The following PDLIM5 variants were observed in gnomAD, a reference collection of about 807,000 sequenced individuals.
The protein encoded by PDLIM5 is PDZ and LIM domain protein 5.
Under a neutral mutation model 64.2 loss-of-function variants are expected in PDLIM5, and 34 were observed. The ratio of observed to expected loss-of-function variants is 0.53; its 90% CI spans 0.40 to 0.71. The LOEUF (loss-of-function observed/expected upper bound fraction) is 0.71. Among genes scored for constraint, PDLIM5 ranks in the 30% least tolerant of loss-of-function variants. The probability of loss-of-function intolerance (pLI) is 0.00; values close to 1 mark genes in which losing one functional copy is unlikely to be tolerated. For synonymous variants in PDLIM5, 253 were observed against 269.1 expected (o/e 0.94, Z 0.59); for missense variants, 683 against 733.6 (o/e 0.93, Z 0.80).
intron 3 of PDLIM5, among the ~76,000 whole-genome samples, chr4:94,543,473 T>A (rs1166262847): frequency 6.6e-6 from 1 of 152,158 alleles, no homozygotes; most frequent in Non-Finnish European, 1.5e-5. Flanking sequence ...CTCTCAGCAA[T>A]TATCAAGAAT....
chr4:94,474,549 C>T (rs1285589098), intron 2 of PDLIM5, among the ~76,000 whole-genome samples: 1 of 152,196 alleles, frequency 6.6e-6, no homozygotes, highest in Non-Finnish European at 1.5e-5. Flanking sequence ...CCATGCCTGG[C>T]CCATTTACAC....
Position 94,664,475 on chromosome 4 carries a change from A to G in PDLIM5, c.*408A>G. The stretch of plus-strand genomic sequence containing the variant: ...GAAAATGCCTTAAATTTTATCAATA[A>G]CAGAATTATTGTATTTAAAAAAAAA... On this transcript the variant is annotated 3_prime_UTR_variant, in exon 13 of 13. Transcript: ENST00000317968. The G allele has an allele frequency of 1.4e-6, 1 of 727,400 alleles. No homozygotes were observed. Among genetic ancestry groups the G allele is most frequent in the Non-Finnish European group, 1.7e-6 (1 of 596,842 alleles). 45.1% of individuals were successfully genotyped at this position (727,400 alleles called of 1,614,324 possible).
chr4:94,546,313 T>C (rs1732310158), intron 3 of PDLIM5, among the ~76,000 whole-genome samples: 1 of 152,086 alleles, frequency 6.6e-6, no homozygotes, highest in Non-Finnish European at 1.5e-5. Flanking sequence ...ACCGCCTACC[T>C]TACCCCACCC....
At chr4:94,638,409 C>T (rs1740742427) in intron 8 of PDLIM5, among the ~76,000 whole-genome samples, 1 of 152,162 alleles carries the variant, frequency 6.6e-6, no homozygotes, top group Admixed American at 6.5e-5. Context: ...CTGAAAGTGG[C>T]GTTTCACAGA....
rs1740902334 is a variant in PDLIM5 at position 94,640,392 on chromosome 4, G to A, written c.1225G>A (p.Glu409Lys). 6.2e-7 allele frequency: 1 copy of A among 1,612,430 alleles called. No individual in the cohort carries two copies. The highest frequency in any genetic ancestry group is 1.1e-5 in the South Asian group (1 of 90,928). The part of the protein sequence containing the change: ...SDQDTLVQRA[E>K]HIPAGKRTPM... ...CCAGGACACTTTAGTGCAAAGAGCT[G>A]AGCACATTCCAGCAGGGAAACGAAC... Residue 409 changes from glutamate to lysine, a missense_variant, in exon 9 of 13, where the codon GAG (glutamate) becomes AAG (lysine). Transcript: ENST00000317968.
chr4:94,552,710 A>C (rs950524940), intron 3 of PDLIM5, among the ~76,000 whole-genome samples: 2 of 152,178 alleles, frequency 1.3e-5, no homozygotes, highest in Non-Finnish European at 2.9e-5. Flanking sequence ...ATAAGAAAAA[A>C]ATATAAGTAG....
At chr4:94,466,527 A>G (rs1724379911) in intron 2 of PDLIM5, among the ~76,000 whole-genome samples, 2 of 152,174 alleles carry the variant, frequency 1.3e-5, no homozygotes, top group African/African-American at 2.4e-5. Context: ...TCCATTTTGT[A>G]TACTTATGTT....
chr4:94,646,953 T>C (rs781220940), intron 9 of PDLIM5, among the ~76,000 whole-genome samples: 1 of 152,190 alleles, frequency 6.6e-6, no homozygotes, highest in Admixed American at 6.5e-5. Flanking sequence ...GTTTCTCTAA[T>C]ATGTTTACTT....
intron 2 of PDLIM5, among the ~76,000 whole-genome samples, chr4:94,475,145 C>CT (rs755044470): frequency 0.019 from 2,829 of 145,722 alleles, 87 homozygotes; most frequent in African/African-American, 0.066. Flanking sequence ...CCTCCCCCGC[C>CT]TTTTTTTTTT....
chr4:94,564,332 G>T (rs1277769502), intron 3 of PDLIM5, among the ~76,000 whole-genome samples: 1 of 152,130 alleles, frequency 6.6e-6, no homozygotes, highest in Non-Finnish European at 1.5e-5. Context: ...TACTTTATGT[G>T]TTCTGCCCCC....
intron 9 of PDLIM5, 116 bp downstream of exon 9, chr4:94,640,566 T>G: frequency 1.6e-6 from 1 of 619,124 alleles, no homozygotes; most frequent in Non-Finnish European, 2.8e-6. Flanking sequence ...CTTGCCATAA[T>G]CCTATAGAGT....
At chr4:94,548,556 G>A (rs563606480) in intron 3 of PDLIM5, among the ~76,000 whole-genome samples, 2 of 152,190 alleles carry the variant, frequency 1.3e-5, no homozygotes, top group South Asian at 2.1e-4. Flanking sequence ...TTAGAAAGAG[G>A]TAAGGAATTG....
chr4:94,657,810 G>T (rs966968196), intron 11 of PDLIM5, among the ~76,000 whole-genome samples: 1 of 151,912 alleles, frequency 6.6e-6, no homozygotes, highest in Admixed American at 6.6e-5. Context: ...AGGTTCAGGC[G>T]ATTCTCCTGC....
chr4:94,662,827 A>G (rs1742843399), intron 12 of PDLIM5, among the ~76,000 whole-genome samples: 1 of 151,838 alleles, frequency 6.6e-6, no homozygotes, highest in Non-Finnish European at 1.5e-5. Context: ...TTTACTTAAA[A>G]AAAAAAAAAC....
chr4:94,517,166 G>T (rs1729434047), intron 2 of PDLIM5, among the ~76,000 whole-genome samples: 2 of 152,152 alleles, frequency 1.3e-5, no homozygotes, highest in African/African-American at 4.8e-5. Context: ...TATTTGTGTT[G>T]TTGAGTGGGT....
intron 8 of PDLIM5, among the ~76,000 whole-genome samples, chr4:94,638,388 A>G (rs1740740498): frequency 6.6e-6 from 1 of 152,194 alleles, no homozygotes; most frequent in Non-Finnish European, 1.5e-5. Context: ...GCAATAATAG[A>G]GCTCCCTGGC....
chr4:94,457,944 T>C (rs1443787243), intron 2 of PDLIM5, among the ~76,000 whole-genome samples: 2 of 152,170 alleles, frequency 1.3e-5, no homozygotes, highest in African/African-American at 4.8e-5. Flanking sequence ...TTGGGCCTTG[T>C]GCAGTGGGGC....
chr4:94,541,676 T>C (rs975417905), intron 3 of PDLIM5, among the ~76,000 whole-genome samples: 2 of 152,202 alleles, frequency 1.3e-5, no homozygotes, highest in African/African-American at 4.8e-5. Context: ...TTCATTCTCC[T>C]TTCTACTGCT....
intron 2 of PDLIM5, among the ~76,000 whole-genome samples, chr4:94,510,020 T>C (rs1728731590): frequency 6.6e-6 from 1 of 152,182 alleles, no homozygotes; most frequent in Non-Finnish European, 1.5e-5. Context: ...TAGTTCATTC[T>C]TACAGTCATC....
Sources: allele counts gnomAD v4.1 joint callset (sites outside exome capture counted in the v4.1 genomes callset), GRCh38; gene constraint gnomAD v4.1.1; transcripts MANE v1.5; gene names NCBI Gene and HGNC (gene_info 2026-07-23, HGNC 2026-07-21).